Variants in EIF4EBP1 observed in about 807,000 individuals in gnomAD.
EIF4EBP1 encodes eukaryotic translation initiation factor 4E binding protein 1, also known as eukaryotic translation initiation factor 4E-binding protein 1.
Under a neutral mutation model 9.2 loss-of-function variants are expected in EIF4EBP1, and 5 were observed. The observed-to-expected ratio is 0.54, with a 90% CI of 0.28 to 1.14. The LOEUF (loss-of-function observed/expected upper bound fraction) is 1.14, where lower values mean the gene tolerates loss of function less well. EIF4EBP1 is among the 50% of genes most tolerant of loss of function. The pLI, the probability that EIF4EBP1 is intolerant of heterozygous loss-of-function variation, is 0.09. For missense variants in EIF4EBP1, 139 were observed against 169.6 expected (o/e 0.82, Z 1.00); for synonymous variants, 62 against 67.0 (o/e 0.93, Z 0.36).
At chr8:38,054,685 A>G (rs1019092647) in intron 1 of EIF4EBP1, among the ~76,000 whole-genome samples, 1 of 152,082 alleles carries the variant, frequency 6.6e-6, no homozygotes, top group Admixed American at 6.6e-5. Context: ...GAGCAGTGCC[A>G]CATCTGGCCT....
chr8:38,039,950 G>A (rs1273065108), intron 1 of EIF4EBP1, among the ~76,000 whole-genome samples: 1 of 152,034 alleles, frequency 6.6e-6, no homozygotes, highest in African/African-American at 2.4e-5. Context: ...GTACAGTGGC[G>A]CGATCACCAC....
intron 1 of EIF4EBP1, among the ~76,000 whole-genome samples, chr8:38,055,515 A>G (rs1051060530): frequency 6.6e-6 from 1 of 151,972 alleles, no homozygotes; most frequent in Non-Finnish European, 1.5e-5. Flanking sequence ...TTATTACCAT[A>G]CCTTGCATTC....
intron 1 of EIF4EBP1, among the ~76,000 whole-genome samples, chr8:38,056,131 A>G (rs1809591922): frequency 6.6e-6 from 1 of 151,958 alleles, no homozygotes; most frequent in Admixed American, 6.6e-5. Context: ...AGCTGGGACT[A>G]CAGGCACGTA....
rs772246381 is a variant in EIF4EBP1, at chr8:38,030,560, G to T, written c.-14G>T. ...GGGCAGCGAGAGGTTCGCGGGTGCAGCGCACAGGAGACCATGTCCGGGGGC... is the reference window on the plus strand; with the variant it reads ...GGGCAGCGAGAGGTTCGCGGGTGCATCGCACAGGAGACCATGTCCGGGGGC... On this transcript the variant is annotated 5_prime_UTR_variant, in exon 1 of 3. Coordinates refer to ENST00000338825, the MANE Select transcript of EIF4EBP1 (RefSeq NM_004095.4). 10 of 1,508,314 alleles carry T rather than the reference G, an allele frequency of 6.6e-6. No homozygotes were observed. The highest frequency in any genetic ancestry group is 4.3e-5 in the African/African-American group (3 of 69,256). The allele number at this position is 1,508,314 out of a possible 1,614,324, so 93.4% of individuals were successfully genotyped here.
Position 38,058,498 on chromosome 8 carries a change from G to A in EIF4EBP1, c.325+1238G>A, listed in dbSNP as rs923610581. Among the ~76,000 whole-genome samples, 34 of 152,094 alleles carry A rather than the reference G, an allele frequency of 2.2e-4. 1 individual carries two copies. Among genetic ancestry groups the A allele is most frequent in the Non-Finnish European group, 1.6e-4 (11 of 68,032 alleles). ...CTTAACGGCCCCAACTCTTAATACT[G>A]TTACATTGGGGATTAAGTTTCTGTA... is the stretch of plus-strand genomic sequence containing the variant. On this transcript the variant is annotated intron_variant, in intron 2 of 2. Transcript: ENST00000338825.
chr8:38,043,404 G>A, intron 1 of EIF4EBP1, among the ~76,000 whole-genome samples: 1 of 131,706 alleles, frequency 7.6e-6, no homozygotes, highest in Non-Finnish European at 1.6e-5. Context: ...TTGCTCTGTT[G>A]CCCAGGCTGG....
chr8:38,053,820 G>C (rs1809556321), intron 1 of EIF4EBP1, among the ~76,000 whole-genome samples: 1 of 152,170 alleles, frequency 6.6e-6, no homozygotes, highest in Non-Finnish European at 1.5e-5. Context: ...AATCCTGTAT[G>C]ATTTCACTAT....
chr8:38,039,432 G>A (rs774524771), intron 1 of EIF4EBP1, among the ~76,000 whole-genome samples: 1 of 133,724 alleles, frequency 7.5e-6, no homozygotes, highest in African/African-American at 2.8e-5. Flanking sequence ...TTGAGTTGGA[G>A]TGTTGCTCTA....
intron 1 of EIF4EBP1, among the ~76,000 whole-genome samples, chr8:38,034,543 A>G (rs62503904): frequency 0.061 from 9,348 of 152,292 alleles, 408 homozygotes; most frequent in Non-Finnish European, 0.095. Flanking sequence ...GTGGGTCAGA[A>G]AGAAACTTTC....
At chr8:38,038,498 A>C (rs1585523043) in intron 1 of EIF4EBP1, among the ~76,000 whole-genome samples, 2 of 75,476 alleles carry the variant, frequency 2.6e-5, no homozygotes, top group African/African-American at 5.0e-5. Flanking sequence ...ACAGAGCAAG[A>C]CTCCATCTCA....
intron 1 of EIF4EBP1, among the ~76,000 whole-genome samples, chr8:38,036,883 C>G (rs1809310404): frequency 6.6e-6 from 1 of 151,620 alleles, no homozygotes; most frequent in African/African-American, 2.4e-5. Flanking sequence ...CTCCTGAGCT[C>G]AAGTAATCCA....
At chr8:38,051,503 G>A (rs576254779) in intron 1 of EIF4EBP1, among the ~76,000 whole-genome samples, 14 of 152,288 alleles carry the variant, frequency 9.2e-5, no homozygotes, top group Middle Eastern at 3.4e-3. Flanking sequence ...ACCTAGTGGA[G>A]GTGGGTCATT....
At chr8:38,043,545 A>G (rs909120821) in intron 1 of EIF4EBP1, among the ~76,000 whole-genome samples, 1 of 151,736 alleles carries the variant, frequency 6.6e-6, no homozygotes, top group Non-Finnish European at 1.5e-5. Context: ...CAGAGTTTCA[A>G]CACGTTGGCA....
At chr8:38,056,453 T>A (rs1298859948) in intron 1 of EIF4EBP1, among the ~76,000 whole-genome samples, 1 of 152,070 alleles carries the variant, frequency 6.6e-6, no homozygotes, top group Non-Finnish European at 1.5e-5. Flanking sequence ...TTGTCATGGG[T>A]AATTAACACT....
At position 38,059,558 on chromosome 8, in the gene EIF4EBP1, C is replaced by T. The variant is rs547884787; in HGVS notation, c.326-346C>T. Among the ~76,000 whole-genome samples the T allele has an allele frequency of 2.0e-4, 31 of 152,168 alleles. 1 individual carries two copies. The highest frequency in any genetic ancestry group is 2.0e-3 in the Admixed American group (30 of 15,278). On this transcript the variant is annotated intron_variant, in intron 2 of 2. Transcript: ENST00000338825. Reference sequence around the variant, plus strand: ...TCTGAGATCAGGAGTTCGAGACCAGCCTGGCCAACATGGCAAAACCCCGGG... The same window carrying T: ...TCTGAGATCAGGAGTTCGAGACCAGTCTGGCCAACATGGCAAAACCCCGGG...
At chr8:38,047,941 C>T (rs1585527747) in intron 1 of EIF4EBP1, among the ~76,000 whole-genome samples, 1 of 152,014 alleles carries the variant, frequency 6.6e-6, no homozygotes, top group African/African-American at 2.4e-5. Flanking sequence ...GAGGCTGAGG[C>T]GGGAGGATCA....
At chr8:38,054,197 C>T (rs943869619) in intron 1 of EIF4EBP1, among the ~76,000 whole-genome samples, 2 of 152,180 alleles carry the variant, frequency 1.3e-5, no homozygotes, top group African/African-American at 4.8e-5. Flanking sequence ...TGTCTGTAAC[C>T]CCAGCACTTC....
At chr8:38,043,171 T>C (rs1468062905) in intron 1 of EIF4EBP1, among the ~76,000 whole-genome samples, 3 of 152,130 alleles carry the variant, frequency 2.0e-5, no homozygotes, top group African/African-American at 7.2e-5. Context: ...CTGTTTGTAA[T>C]GGGAGGCATT....
In EIF4EBP1 at chr8:38,056,994, T is replaced by C; in HGVS notation, c.146-87T>C. The C allele has an allele frequency of 5.0e-6, 7 of 1,412,274 alleles. No individual in the cohort carries two copies. In the Admixed American group the frequency reaches 1.2e-4, roughly 24 times the overall value. The allele number at this position is 1,412,274 out of a possible 1,614,324, so 87.5% of individuals were successfully genotyped here. A position where few individuals can be genotyped will look rare whatever the true frequency, so the allele number is the denominator to read the frequency against. ...GGGTTTTTCAGGAGAATCTGCTGCC[T>C]CTACTGCAGCCACGCCTTTAAAAAG... On this transcript the variant is annotated intron_variant, in intron 1 of 2. Transcript: ENST00000338825.
Sources: allele counts gnomAD v4.1 joint callset (sites outside exome capture counted in the v4.1 genomes callset), GRCh38; gene constraint gnomAD v4.1.1; transcripts MANE v1.5; gene names NCBI Gene and HGNC (gene_info 2026-07-23, HGNC 2026-07-21).